The following TSR1 variants were observed in gnomAD, a reference collection of about 807,000 sequenced individuals.
TSR1 encodes pre-rRNA-processing protein TSR1 homolog.
TSR1 carries 81 observed loss-of-function variants against 90.9 expected under a neutral mutation model. The observed-to-expected ratio is 0.89, with a 90% CI of 0.74 to 1.07. The LOEUF (loss-of-function observed/expected upper bound fraction) is 1.07. Among genes scored for constraint, TSR1 ranks in the 50% least tolerant of loss-of-function variants. The pLI, the probability that TSR1 is intolerant of heterozygous loss-of-function variation, is 0.00. For missense variants in TSR1, 989 were observed against 987.3 expected, an observed-to-expected ratio of 1.00 and a Z score of -0.02; for synonymous variants, 362 against 348.8, an observed-to-expected ratio of 1.04 and a Z score of -0.42.
chr17:2,332,114 G>A, intron 8 of TSR1, 55 bp downstream of exon 8: 1 of 1,585,126 alleles, frequency 6.3e-7, no homozygotes, highest in Admixed American at 2.0e-5. Context: ...TCTGAGCCAA[G>A]TTTTTAAAAA....
intron 6 of TSR1, 29 bp downstream of exon 6, chr17:2,333,528 G>T (rs1412241629): frequency 6.2e-7 from 1 of 1,613,602 alleles, no homozygotes; most frequent in Non-Finnish European, 8.5e-7. Flanking sequence ...CAGGTCAGAT[G>T]AATTACAGAC....
rs997370789 is a variant in TSR1, at chr17:2,332,880, C to T, written c.1305+81G>A. The T allele has an allele frequency of 9.8e-6, 13 of 1,329,302 alleles. No homozygotes were observed. In the East Asian group the frequency reaches 1.7e-4, roughly 17 times the overall value. The allele number at this position is 1,329,302 out of a possible 1,614,324, so 82.3% of individuals were successfully genotyped here. On this transcript the variant is annotated intron_variant, in intron 7 of 14. Coordinates refer to ENST00000301364, the MANE Select transcript of TSR1 (RefSeq NM_018128.5). Reference sequence around the variant, plus strand: ...AAATAAAAAAAAGAAACTAACCACACACACCCATCAAGATCACACCTGCAC... The same window carrying T: ...AAATAAAAAAAAGAAACTAACCACATACACCCATCAAGATCACACCTGCAC...
At chr17:2,332,461 C>T in intron 7 of TSR1, 102 bp from the exon 8 acceptor site, 1 of 989,916 alleles carries the variant, frequency 1.0e-6, no homozygotes, top group South Asian at 1.7e-5. Context: ...ATCCCTATTC[C>T]CAACCAACAT....
rs545507812 is a variant in TSR1 at position 2,322,808 on chromosome 17, G to A, written c.*1388C>T. The A allele has an allele frequency of 9.5e-5, 30 of 316,470 alleles. No homozygotes were observed. Among genetic ancestry groups the A allele is most frequent in the Admixed American group, 4.0e-4 (9 of 22,318 alleles). 19.6% of individuals were successfully genotyped at this position (316,470 alleles called of 1,614,324 possible). On this transcript the variant is annotated 3_prime_UTR_variant, in exon 15 of 15. Transcript: ENST00000301364. ...TGGGATTACAGGCGTGAGCCACTGC[G>A]CCCCACCCCATTTTGGTGTGATCTC...
chr17:2,332,536 T>A (rs1362092212), intron 7 of TSR1, among the ~76,000 whole-genome samples, 177 bp from the exon 8 acceptor site: 1 of 152,184 alleles, frequency 6.6e-6, no homozygotes, highest in African/African-American at 2.4e-5. Flanking sequence ...GAGTCATTCC[T>A]AAGAAACTAA....
Position 2,323,311 on chromosome 17 carries a change from A to G in TSR1, c.*885T>C. 1 of 1,614,040 alleles carries G rather than the reference A, an allele frequency of 6.2e-7. No individual in the cohort carries two copies. Among genetic ancestry groups the G allele is most frequent in the Non-Finnish European group, 8.5e-7 (1 of 1,179,914 alleles). The stretch of plus-strand genomic sequence containing the variant: ...TGGCCTATTATCAGGGACCTTGTGG[A>G]TGATATCTTCACTGTCACAGAGGAT... On this transcript the variant is annotated 3_prime_UTR_variant, in exon 15 of 15. Transcript: ENST00000301364.
intron 9 of TSR1, 84 bp from the exon 10 acceptor site, chr17:2,330,709 C>G: frequency 7.1e-7 from 1 of 1,403,028 alleles, no homozygotes; most frequent in Non-Finnish European, 9.9e-7. Context: ...TATGTTGAGT[C>G]TCTCAGATAA....
In TSR1 at chr17:2,336,056, C is replaced by T. The variant is rs751397978; in HGVS notation, c.182G>A (p.Arg61Gln). ...VDQRHRASQL[R>Q]KQKKEAVLAE... ...TCTCACCGCCTCCTTCTTCTGCTTT[C>T]GGAGCTGGCTGGCGCGATGCCTCTG... Residue 61 changes from arginine to glutamine, a missense_variant, in exon 2 of 15, where the codon CGA (arginine) becomes CAA (glutamine). Transcript: ENST00000301364. The T allele has an allele frequency of 6.2e-7, 1 of 1,614,248 alleles. No homozygotes were observed. Among genetic ancestry groups the T allele is most frequent in the Non-Finnish European group, 8.5e-7 (1 of 1,180,042 alleles).
Position 2,336,039 on chromosome 17 carries a change from C to G in TSR1, c.199G>C (p.Ala67Pro). The change falls in exon 2 of 15, where the codon GCG (alanine) becomes CCG (proline). Residue 67 changes from alanine to proline, a missense_variant and splice_region_variant. By Grantham distance (27) the Ala-to-Pro change is conservative. Coordinates refer to ENST00000301364, the MANE Select transcript of TSR1 (RefSeq NM_018128.5). ...CTCCCAAATCCCGCTCCTCTCACCG[C>G]CTCCTTCTTCTGCTTTCGGAGCTGG... The part of the protein sequence containing the change: ...ASQLRKQKKE[A>P]VLAEKRQLGG... 6 of 1,614,202 alleles carry G rather than the reference C, an allele frequency of 3.7e-6. No homozygotes were observed. The highest frequency in any genetic ancestry group is 5.1e-6 in the Non-Finnish European group (6 of 1,180,016).
At chr17:2,329,520 T>A (rs368033260) in intron 10 of TSR1, 45 bp from the exon 11 acceptor site, 12 of 1,606,184 alleles carry the variant, frequency 7.5e-6, no homozygotes, top group African/African-American at 2.7e-5. Context: ...AGTCTAGGAA[T>A]ACAATTGCCT....
intron 4 of TSR1, 30 bp from the exon 5 acceptor site, chr17:2,334,926 C>T (rs1426318567): frequency 1.3e-6 from 2 of 1,578,646 alleles, no homozygotes; most frequent in Non-Finnish European, 1.7e-6. Context: ...CGCTTCATGA[C>T]CTACTGCTTC....
In TSR1 at chr17:2,335,664, G is replaced by T; in HGVS notation, c.268C>A (p.Leu90Met). ...GPPHQVLVVP[L>M]HSRISLPEAM... The stretch of plus-strand genomic sequence containing the variant: ...TCTGGCAGGGAAATTCTGCTGTGCA[G>T]GGGCACCACCAGTACCTGATGAGGA... Residue 90 changes from leucine (L) to methionine (M), a missense_variant, in exon 3 of 15, where the codon CTG becomes ATG. Coordinates refer to ENST00000301364, the MANE Select transcript of TSR1 (RefSeq NM_018128.5). 1 of 1,614,112 alleles carries T rather than the reference G, an allele frequency of 6.2e-7. No homozygotes were observed.
At chr17:2,324,901 T>G in intron 12 of TSR1, 72 bp from the exon 13 acceptor site, 1 of 1,518,084 alleles carries the variant, frequency 6.6e-7, no homozygotes, top group Non-Finnish European at 8.8e-7. Flanking sequence ...CCAGTCCATT[T>G]AAAGACCCAT....
At position 2,334,592 on chromosome 17, in the gene TSR1, C is replaced by G; in HGVS notation, c.861G>C (p.Arg287Ser). ...CACCATATCCAACGATATGCAGCAA[C>G]CTATTGACATTCAGAGTCTGCCCTC... ...YVRGQTLNVN[R>S]LLHIVGYGDF... Residue 287 changes from arginine to serine, a missense_variant, in exon 5 of 15, where the codon AGG becomes AGC. Transcript: ENST00000301364. 1 of 1,614,180 alleles carries G rather than the reference C, an allele frequency of 6.2e-7. No individual in the cohort carries two copies.
Position 2,336,125 on chromosome 17 carries a change from T to C in TSR1, c.113A>G (p.Lys38Arg). Reference sequence around the variant, plus strand: ...TTTTCTCACCTTCTTGCTTAGGGTTTTCAGTGCCAGACGGCCTGAATGGCA... The same window carrying C: ...TTTTCTCACCTTCTTGCTTAGGGTTCTCAGTGCCAGACGGCCTGAATGGCA... ...QRDGKGRLAL[K>R]TLSKKVRKEL... Residue 38 changes from lysine to arginine, a missense_variant, in exon 2 of 15, where the codon AAA becomes AGA. Physicochemically the swap from Lys to Arg is conservative, Grantham distance 26. Transcript: ENST00000301364. 2 of 1,614,222 alleles carry C rather than the reference T, an allele frequency of 1.2e-6. No homozygotes were observed. The highest frequency in any genetic ancestry group is 1.7e-6 in the Non-Finnish European group (2 of 1,180,038).
In TSR1 at chr17:2,331,078, G is replaced by A. The variant is rs530908497; in HGVS notation, c.1528C>T (p.Arg510Trp). The stretch of plus-strand genomic sequence containing the variant: ...TCCTTAGGATCCCATGGAGATGTCC[G>A]GAAGCTCTTAAGGCCTCTGTATTTC... ...FQKYRGLKSF[R>W]TSPWDPKENL... Residue 510 changes from arginine to tryptophan, a missense_variant, in exon 9 of 15, where the codon CGG becomes TGG. Transcript: ENST00000301364. 2.8e-5 allele frequency: 44 copies of A among 1,598,610 alleles called. No homozygotes were observed. Among genetic ancestry groups the A allele is most frequent in the Middle Eastern group, 3.3e-4 (2 of 5,992 alleles).
rs2075554723 is a variant in TSR1 at position 2,323,721 on chromosome 17, G to A, written c.*475C>T. ...TGAACCTACAGCTGGTGTTGGAGTGGCTGCTGTGCTGTCTCAACATTTTCA... is the reference window on the plus strand; with the variant it reads ...TGAACCTACAGCTGGTGTTGGAGTGACTGCTGTGCTGTCTCAACATTTTCA... On this transcript the variant is annotated 3_prime_UTR_variant, in exon 15 of 15. Coordinates refer to ENST00000301364, the MANE Select transcript of TSR1 (RefSeq NM_018128.5). 1 of 1,613,952 alleles carries A rather than the reference G, an allele frequency of 6.2e-7. No individual in the cohort carries two copies. Among genetic ancestry groups the A allele is most frequent in the African/African-American group, 1.3e-5 (1 of 74,930 alleles).
In TSR1 at chr17:2,323,860, C is replaced by G. The variant is rs201876645; in HGVS notation, c.*336G>C. On this transcript the variant is annotated 3_prime_UTR_variant, in exon 15 of 15. Transcript: ENST00000301364. Reference sequence around the variant, plus strand: ...GCTGAAAGGCCAGCTTCTTATCAGTCTGTTTCTGTTTAATTTACAGAAAAG... The same window carrying G: ...GCTGAAAGGCCAGCTTCTTATCAGTGTGTTTCTGTTTAATTTACAGAAAAG... 6.2e-7 allele frequency: 1 copy of G among 1,613,882 alleles called. No homozygotes were observed. Among genetic ancestry groups the G allele is most frequent in the South Asian group, 1.1e-5 (1 of 91,014 alleles).
chr17:2,336,212 A>G, intron 1 of TSR1, 72 bp from the exon 2 acceptor site: 2 of 1,600,918 alleles, frequency 1.2e-6, no homozygotes. Flanking sequence ...CTCTCCGCCC[A>G]CCTTAGAAAG....
Sources: allele counts gnomAD v4.1 joint callset (sites outside exome capture counted in the v4.1 genomes callset), GRCh38; gene constraint gnomAD v4.1.1; transcripts MANE v1.5; gene names NCBI Gene and HGNC (gene_info 2026-07-23, HGNC 2026-07-21).